STON2: variants seen among roughly 807,000 people sequenced by gnomAD.
The protein encoded by STON2 is stonin 2, also known as stonin-2.
A neutral mutation model predicts 65.7 loss-of-function variants in STON2; 29 were observed. That is an observed-to-expected ratio of 0.44 (90% CI 0.33 to 0.60). STON2 has a LOEUF of 0.60. Among genes scored for constraint, STON2 ranks in the 20% least tolerant of loss-of-function variants. The pLI is 0.03. For missense variants in STON2, 1,054 were observed against 1,118.1 expected, an observed-to-expected ratio of 0.94 and a Z score of 0.82; for synonymous variants, 404 against 414.2, an observed-to-expected ratio of 0.98 and a Z score of 0.30.
At chr14:81,346,096 T>G (rs529014832) in intron 4 of STON2, among the ~76,000 whole-genome samples, 1 of 152,314 alleles carries the variant, frequency 6.6e-6, no homozygotes, top group Non-Finnish European at 1.5e-5. Context: ...CTGAACTTTT[T>G]ATGATGTTTC....
At chr14:81,361,244 C>T (rs538173807) in intron 4 of STON2, among the ~76,000 whole-genome samples, 1 of 152,256 alleles carries the variant, frequency 6.6e-6, no homozygotes, top group East Asian at 1.9e-4. Flanking sequence ...CACCATATTA[C>T]TTGAAACAAT....
chr14:81,366,068 T>C (rs1452836638), intron 4 of STON2, among the ~76,000 whole-genome samples: 1 of 152,204 alleles, frequency 6.6e-6, no homozygotes, highest in Non-Finnish European at 1.5e-5. Flanking sequence ...TTAACAATTC[T>C]CCTGCCATTC....
intron 5 of STON2, among the ~76,000 whole-genome samples, chr14:81,280,479 C>T (rs1023747180): frequency 6.6e-6 from 1 of 152,164 alleles, no homozygotes. Context: ...TGCTACCATC[C>T]TACCCACTGT....
intron 2 of STON2, among the ~76,000 whole-genome samples, chr14:81,424,588 TTTC>T (rs1901876472): frequency 1.3e-5 from 2 of 152,170 alleles, no homozygotes; most frequent in Admixed American, 1.3e-4. Flanking sequence ...TCAGCATGCA[TTTC>T]TTCAACTTCT....
rs56269329 is a variant in STON2 at position 81,265,647 on chromosome 14, GTAATAATAA to G, written c.*2758_*2766del. The G allele has an allele frequency of 3.8e-5, 14 of 364,450 alleles. No individual in the cohort carries two copies. The highest frequency in any genetic ancestry group is 2.6e-4 in the African/African-American group (12 of 45,606). 22.6% of individuals were successfully genotyped at this position (364,450 alleles called of 1,614,324 possible). A position where few individuals can be genotyped will look rare whatever the true frequency, so the allele number is the denominator to read the frequency against. On this transcript the variant is annotated 3_prime_UTR_variant, in exon 8 of 8. Coordinates refer to ENST00000614646, the MANE Select transcript of STON2 (RefSeq NM_001394390.1). ...GCGACAAGAGCGAAACTTTGTCTCA[GTAATAATAA>G]TAATAATAATAATAATAATACTCTG...
rs1161157573 is a variant in STON2, at chr14:81,410,278, C to CAAAAAAAAAAAAA, written c.-198-11711_-198-11699dup. On this transcript the variant is annotated intron_variant, in intron 2 of 8. Coordinates refer to the STON2 transcript ENST00000553821. ...GCATGCAGATGAATGTAACTCTAAC[C>CAAAAAAAAAAAAA]AAAAAAAAAAAAAAAAAAAAAAAAA... 2.4e-4 allele frequency among the ~76,000 whole-genome samples: 11 copies of CAAAAAAAAAAAAA among 45,798 alleles called. 1 individual carries two copies. The highest frequency in any genetic ancestry group is 3.9e-4 in the Non-Finnish European group (8 of 20,608). 30.0% of individuals were successfully genotyped at this position (45,798 alleles called of 152,430 possible).
rs560379325 is a variant in STON2 at position 81,293,636 on chromosome 14, A to G, written c.743-14897T>C. On this transcript the variant is annotated intron_variant, in intron 5 of 7. Transcript: ENST00000614646. ...TTGCTTTAGTCGAGATTAAATACAT[A>G]TATCTTAAGCAGAGACTAGAAGAGT... 2.6e-5 allele frequency among the ~76,000 whole-genome samples: 4 copies of G among 152,330 alleles called. No homozygotes were observed. In the East Asian group the frequency reaches 5.8e-4, roughly 22 times the overall value.
Position 81,395,977 on chromosome 14 carries a change from G to A in STON2, c.290C>T (p.Ser97Leu), listed in dbSNP as rs779833553. ...SPEQPPPDLASAISNWVQFED... is the reference protein window; with the variant it reads ...SPEQPPPDLALAISNWVQFED... ...AAACTGAACCCAGTTGCTGATGGCCGAGGCCAGGTCAGGTGGGGGCTGCTC... is the reference window on the plus strand; with the variant it reads ...AAACTGAACCCAGTTGCTGATGGCCAAGGCCAGGTCAGGTGGGGGCTGCTC... Residue 97 changes from serine to leucine, a missense_variant, in exon 3 of 8, where the codon TCG becomes TTG. By Grantham distance (145) the Ser-to-Leu change is moderately radical. Coordinates refer to ENST00000614646, the MANE Select transcript of STON2 (RefSeq NM_001394390.1). 46 of 1,614,050 alleles carry A rather than the reference G, an allele frequency of 2.8e-5. No individual in the cohort carries two copies. The highest frequency in any genetic ancestry group is 4.0e-5 in the African/African-American group (3 of 74,938).
chr14:81,273,871 G>A (rs1468521432), intron 6 of STON2, among the ~76,000 whole-genome samples: 1 of 152,206 alleles, frequency 6.6e-6, no homozygotes, highest in Non-Finnish European at 1.5e-5. Context: ...TCCAGTCAGC[G>A]GGGCCTTTGA....
chr14:81,332,418 C>A (rs1360271719), intron 4 of STON2, among the ~76,000 whole-genome samples: 1 of 152,022 alleles, frequency 6.6e-6, no homozygotes, highest in African/African-American at 2.4e-5. Flanking sequence ...GCAAAGAAAC[C>A]CAACCATTTT....
Position 81,262,410 on chromosome 14 carries a change from T to C in STON2, c.*6004A>G, listed in dbSNP as rs1411500129. The C allele has an allele frequency of 1.0e-6, 1 of 984,768 alleles. No homozygotes were observed. Among genetic ancestry groups the C allele is most frequent in the East Asian group, 1.1e-4 (1 of 8,822 alleles). The allele number at this position is 984,768 out of a possible 1,614,324, so 61.0% of individuals were successfully genotyped here. On this transcript the variant is annotated 3_prime_UTR_variant, in exon 8 of 8. Transcript: ENST00000614646. ...TTGATAAATATTTGTTGAGTTGAAT[T>C]AATCCTGCCATCTATCCCTTTTTAC...
intron 5 of STON2, among the ~76,000 whole-genome samples, chr14:81,302,052 C>G (rs1895989181): frequency 6.6e-6 from 1 of 152,114 alleles, no homozygotes; most frequent in Non-Finnish European, 1.5e-5. Context: ...CTGTCCCAAT[C>G]AGAGTGGTTT....
upstream of STON2, among the ~76,000 whole-genome samples, chr14:81,404,513 C>CT: frequency 6.6e-6 from 1 of 151,954 alleles, no homozygotes; most frequent in Non-Finnish European, 1.5e-5. Flanking sequence ...ATATTTCTTC[C>CT]TTTTTTAACT....
intron 1 of STON2, among the ~76,000 whole-genome samples, chr14:81,429,507 T>C (rs1345086511): frequency 1.3e-5 from 2 of 152,220 alleles, no homozygotes; most frequent in Non-Finnish European, 2.9e-5. Flanking sequence ...GAGTCCAGTG[T>C]TATTCACCTA....
chr14:81,280,015 C>G (rs1895042946), intron 5 of STON2, among the ~76,000 whole-genome samples: 1 of 151,954 alleles, frequency 6.6e-6, no homozygotes, highest in Non-Finnish European at 1.5e-5. Context: ...GAAATTGAAG[C>G]CTACAATAAA....
At chr14:81,348,094 A>C (rs1897888646) in intron 4 of STON2, among the ~76,000 whole-genome samples, 1 of 152,112 alleles carries the variant, frequency 6.6e-6, no homozygotes, top group Non-Finnish European at 1.5e-5. Flanking sequence ...AAAAACTCTC[A>C]ACAAATAAGG....
chr14:81,322,430 A>G (rs1332927941), intron 5 of STON2, among the ~76,000 whole-genome samples: 5 of 152,052 alleles, frequency 3.3e-5, no homozygotes, highest in Admixed American at 2.0e-4. Context: ...TCCTACCCCC[A>G]CTTCTTGCTC....
intron 5 of STON2, among the ~76,000 whole-genome samples, chr14:81,305,915 A>T (rs1234196278): frequency 6.6e-6 from 1 of 152,114 alleles, no homozygotes; most frequent in Non-Finnish European, 1.5e-5. Context: ...ATGAAAATGA[A>T]TCTGAAAATG....
intron 5 of STON2, among the ~76,000 whole-genome samples, chr14:81,308,665 G>T (rs1345280104): frequency 6.6e-6 from 1 of 151,392 alleles, no homozygotes; most frequent in African/African-American, 2.4e-5. Context: ...CCATGGGCAG[G>T]GGAGGGAGCA....
Sources: allele counts gnomAD v4.1 joint callset (sites outside exome capture counted in the v4.1 genomes callset), GRCh38; gene constraint gnomAD v4.1.1; transcripts MANE v1.5; gene names NCBI Gene and HGNC (gene_info 2026-07-23, HGNC 2026-07-21).